Variants in TAFA1 observed in about 807,000 individuals in gnomAD.
The protein encoded by TAFA1 is chemokine-like protein TAFA-1.
A neutral mutation model predicts 18.5 loss-of-function variants in TAFA1; 4 were observed. The ratio of observed to expected loss-of-function variants is 0.22; its 90% confidence interval spans 0.11 to 0.49. TAFA1 has a LOEUF of 0.49. Among genes scored for constraint, TAFA1 ranks in the 20% least tolerant of loss-of-function variants. The probability of loss-of-function intolerance (pLI) is 0.98; values close to 1 mark genes in which losing one functional copy is unlikely to be tolerated. For synonymous variants in TAFA1, 56 were observed against 55.2 expected, an observed-to-expected ratio of 1.01 and a Z score of -0.06; for missense variants, 147 against 169.0, an observed-to-expected ratio of 0.87 and a Z score of 0.72.
chr3:68,294,301 A>C (rs967779697), intron 2 of TAFA1, among the ~76,000 whole-genome samples: 3 of 152,226 alleles, frequency 2.0e-5, no homozygotes, highest in African/African-American at 7.2e-5. Flanking sequence ...AGTAAAAAAA[A>C]GTGAAATTAC....
At chr3:68,454,876 A>G (rs2071630109) in intron 3 of TAFA1, among the ~76,000 whole-genome samples, 1 of 152,074 alleles carries the variant, frequency 6.6e-6, no homozygotes. Flanking sequence ...ATTGACAAAT[A>G]AATGTATACA....
intron 3 of TAFA1, among the ~76,000 whole-genome samples, chr3:68,531,318 C>T (rs2073185690): frequency 6.6e-6 from 1 of 152,012 alleles, no homozygotes; most frequent in African/African-American, 2.4e-5. Context: ...AGTTTTAGAG[C>T]AGAGGTGAAA....
chr3:68,368,045 A>G (rs762282466), intron 2 of TAFA1, among the ~76,000 whole-genome samples: 10 of 152,194 alleles, frequency 6.6e-5, no homozygotes, highest in Non-Finnish European at 1.3e-4. Flanking sequence ...ATACTCTAAA[A>G]GCTAATTACA....
At chr3:68,000,716 G>T (rs904320462), upstream of TAFA1, among the ~76,000 whole-genome samples, 2 of 152,204 alleles carry the variant, frequency 1.3e-5, no homozygotes, top group Non-Finnish European at 2.9e-5. Context: ...CATACTCCAA[G>T]ACAAGTATAC....
At chr3:68,232,755 A>G (rs1489358719) in intron 2 of TAFA1, among the ~76,000 whole-genome samples, 2 of 152,078 alleles carry the variant, frequency 1.3e-5, no homozygotes, top group African/African-American at 4.8e-5. Context: ...ACAGGCACGC[A>G]CTACCACACC....
chr3:68,322,639 A>C (rs2068712749), intron 2 of TAFA1, among the ~76,000 whole-genome samples: 1 of 152,106 alleles, frequency 6.6e-6, no homozygotes, highest in Non-Finnish European at 1.5e-5. Context: ...GGCTGCTATA[A>C]GGTCCCTTAA....
intron 2 of TAFA1, among the ~76,000 whole-genome samples, chr3:68,196,905 CT>C (rs2107028155): frequency 6.6e-6 from 1 of 151,910 alleles, no homozygotes; most frequent in East Asian, 2.0e-4. Context: ...CCACATCCTT[CT>C]GGCCATTGAA....
intron 2 of TAFA1, among the ~76,000 whole-genome samples, chr3:68,197,088 T>C (rs544277993): frequency 6.6e-6 from 1 of 151,904 alleles, no homozygotes; most frequent in East Asian, 2.0e-4. Context: ...CTAGAAGGCC[T>C]AGAATCATGC....
chr3:68,007,254 G>A (rs924534247), intron 2 of TAFA1, among the ~76,000 whole-genome samples: 1 of 152,116 alleles, frequency 6.6e-6, no homozygotes, highest in African/African-American at 2.4e-5. Context: ...CTGTTCTTCC[G>A]GTATGCTCAG....
intron 2 of TAFA1, among the ~76,000 whole-genome samples, chr3:68,093,480 T>C (rs1037889595): frequency 2.0e-5 from 3 of 152,166 alleles, no homozygotes; most frequent in Non-Finnish European, 2.9e-5. Context: ...CTACTATTTA[T>C]TGTGCCTAAG....
chr3:68,083,134 A>G (rs374122544), intron 2 of TAFA1, among the ~76,000 whole-genome samples: 3 of 152,170 alleles, frequency 2.0e-5, no homozygotes, highest in East Asian at 3.9e-4. Flanking sequence ...AAAAATGTGA[A>G]GGCTAGGTCT....
intron 3 of TAFA1, among the ~76,000 whole-genome samples, chr3:68,442,893 G>A (rs918121517): frequency 6.6e-6 from 1 of 152,136 alleles, no homozygotes; most frequent in Non-Finnish European, 1.5e-5. Flanking sequence ...TTATAGTCCT[G>A]TATACCTCCA....
intron 3 of TAFA1, among the ~76,000 whole-genome samples, chr3:68,437,225 A>G (rs986062321): frequency 2.0e-5 from 3 of 152,208 alleles, no homozygotes; most frequent in African/African-American, 7.2e-5. Context: ...AAGATTTAGA[A>G]TGTTCCCAGC....
chr3:68,009,569 G>A (rs887976745), intron 2 of TAFA1, among the ~76,000 whole-genome samples: 1 of 152,164 alleles, frequency 6.6e-6, no homozygotes, highest in African/African-American at 2.4e-5. Context: ...TTGAAATGAA[G>A]AAACTATAAA....
At chr3:68,232,493 T>A (rs568391259) in intron 2 of TAFA1, among the ~76,000 whole-genome samples, 1 of 152,352 alleles carries the variant, frequency 6.6e-6, no homozygotes, top group East Asian at 1.9e-4. Context: ...TTTTGGCTAT[T>A]GTGAATAGTG....
intron 2 of TAFA1, among the ~76,000 whole-genome samples, chr3:68,195,155 C>G (rs150402594): frequency 2.4e-4 from 37 of 151,182 alleles, no homozygotes; most frequent in African/African-American, 8.5e-4. Flanking sequence ...TTCTTTCAAG[C>G]CTTACTCTAA....
intron 2 of TAFA1, among the ~76,000 whole-genome samples, chr3:68,074,885 A>G (rs1490790692): frequency 6.6e-6 from 1 of 152,232 alleles, no homozygotes; most frequent in East Asian, 1.9e-4. Flanking sequence ...TTGTCAACAT[A>G]CAGAATGTTG....
chr3:68,080,261 T>A (rs1249963849), intron 2 of TAFA1, among the ~76,000 whole-genome samples: 1 of 152,222 alleles, frequency 6.6e-6, no homozygotes, highest in Non-Finnish European at 1.5e-5. Context: ...TCTTGACTCT[T>A]GATCCAATTT....
At chr3:68,541,586 TA>T (rs201474420) in intron 4 of TAFA1, among the ~76,000 whole-genome samples, 7,386 of 145,514 alleles carry the variant, frequency 0.051, 555 homozygotes, top group African/African-American at 0.16. Flanking sequence ...ATCAAAGAGG[TA>T]AAAAAAAAAA....
Sources: allele counts gnomAD v4.1 joint callset (sites outside exome capture counted in the v4.1 genomes callset), GRCh38; gene constraint gnomAD v4.1.1; transcripts MANE v1.5; gene names NCBI Gene and HGNC (gene_info 2026-07-23, HGNC 2026-07-21).